Variants in HMCN2 observed in about 807,000 individuals in gnomAD.
HMCN2 encodes the protein hemicentin-2.
HMCN2 carries 325 observed loss-of-function variants against 377.5 expected under a neutral mutation model. That is an observed-to-expected ratio of 0.86 (90% CI 0.79 to 0.94). HMCN2 has a LOEUF of 0.94. Ranked by LOEUF, HMCN2 falls within the 40% of genes least tolerant of loss-of-function variation. HMCN2 has a pLI of 0.00. For synonymous variants in HMCN2, 2,007 were observed against 2,046.8 expected (o/e 0.98, Z 0.53); for missense variants, 4,543 against 4,725.3 (o/e 0.96, Z 1.13).
chr9:130,375,157 C>T (rs541023099), intron 49 of HMCN2, among the ~76,000 whole-genome samples: 10 of 152,296 alleles, frequency 6.6e-5, no homozygotes, highest in Admixed American at 2.6e-4. Context: ...GAGTCCCCTG[C>T]GGGAGTTGAA....
rs1235182815 is a variant in HMCN2 at position 130,427,571 on chromosome 9, A to G, written c.14017A>G (p.Thr4673Ala). 1.3e-6 allele frequency: 2 copies of G among 1,550,260 alleles called. No individual in the cohort carries two copies. The highest frequency in any genetic ancestry group is 1.7e-6 in the Non-Finnish European group (2 of 1,146,940). ...TAATGCACCCGGCCGCTTCTCCTGC[A>G]CCTGCCCCACTGGCTTCGCCCTGGC... ...CLNAPGRFSC[T>A]CPTGFALAWD... Residue 4673 changes from threonine (T) to alanine (A), a missense_variant, in exon 92 of 98, where the codon ACC (threonine) becomes GCC (alanine). Around this residue, in one of 5 missense-constraint regions of HMCN2, gnomAD observed 1,155 missense variants for 1,157.7 expected, o/e 1.00. Transcript: ENST00000683500.
chr9:130,293,341 C>G (rs1835919829), intron 4 of HMCN2, among the ~76,000 whole-genome samples: 1 of 114,702 alleles, frequency 8.7e-6, no homozygotes, highest in Admixed American at 1.2e-4. Context: ...GATAGTTGAA[C>G]CGCCGGGTTT....
chr9:130,343,179 C>A (rs1769346144), intron 25 of HMCN2, among the ~76,000 whole-genome samples: 1 of 152,196 alleles, frequency 6.6e-6, no homozygotes, highest in South Asian at 2.1e-4. Context: ...CCCAGAAGAT[C>A]CCTCCTCAGC....
intron 95 of HMCN2, 119 bp downstream of exon 95, chr9:130,430,723 G>A: frequency 1.0e-6 from 1 of 953,184 alleles, no homozygotes; most frequent in Non-Finnish European, 1.5e-6. Context: ...GGCAAGTGGG[G>A]TGAGTGGTGT....
chr9:130,320,114 A>G (rs1837768155), intron 16 of HMCN2, among the ~76,000 whole-genome samples: 1 of 152,176 alleles, frequency 6.6e-6, no homozygotes, highest in African/African-American at 2.4e-5. Flanking sequence ...CCATCACACT[A>G]CTACAAGGTA....
At chr9:130,416,858 T>C (rs1843723034) in intron 85 of HMCN2, among the ~76,000 whole-genome samples, 1 of 151,662 alleles carries the variant, frequency 6.6e-6, no homozygotes, top group African/African-American at 2.4e-5. Flanking sequence ...GTTAAGGATC[T>C]TAAAGTGAGC....
intron 15 of HMCN2, among the ~76,000 whole-genome samples, chr9:130,310,748 G>A (rs1002575873): frequency 4.6e-5 from 7 of 152,302 alleles, no homozygotes; most frequent in Admixed American, 1.3e-4. Flanking sequence ...GAGGCCCACC[G>A]CAGACAGTTT....
chr9:130,376,627 C>G lies in HMCN2; in HGVS notation c.8030C>G (p.Pro2677Arg). Residue 2677 changes from proline to arginine, a missense_variant, in exon 52 of 98, where the codon CCG (proline) becomes CGG (arginine). Physicochemically the swap from Pro to Arg is moderately radical, Grantham distance 103. Transcript: ENST00000683500. ...GAGTGTGAGAGCTGGGCTGTGCCCC[C>G]GCCCACCATCCGCTGGTACAAGGAT... ...TLECESWAVP[P>R]PTIRWYKDGQ... 1.0e-6 allele frequency: 1 copy of G among 985,856 alleles called. No homozygotes were observed. The highest frequency in any genetic ancestry group is 1.2e-6 in the Non-Finnish European group (1 of 829,972). The allele number at this position is 985,856 out of a possible 1,614,324, so 61.1% of individuals were successfully genotyped here.
chr9:130,287,551 TAAAAAAAA>T (rs142931668), intron 4 of HMCN2, among the ~76,000 whole-genome samples: 18,173 of 93,394 alleles, frequency 0.19, 1,686 homozygotes, highest in South Asian at 0.29. Context: ...AACTCTGTCT[TAAAAAAAA>T]AAAAAAAAAA....
At position 130,400,939 on chromosome 9, in the gene HMCN2, C is replaced by T; in HGVS notation, c.11762C>T (p.Ser3921Leu). 7.8e-7 allele frequency: 1 copy of T among 1,287,336 alleles called. No homozygotes were observed. The highest frequency in any genetic ancestry group is 1.2e-5 in the South Asian group (1 of 80,532). The allele number at this position is 1,287,336 out of a possible 1,614,324, so 79.7% of individuals were successfully genotyped here. ...GCTCGGGGGAGTGGCTATCGTGTCT[C>T]ACCATCGGGTAAGTAAGGGTAAGCC... Reference protein sequence around the residue: ...LGARGSGYRVSPSGALEIGQA... With the variant: ...LGARGSGYRVLPSGALEIGQA... The change falls in exon 77 of 98, where the codon TCA (serine) becomes TTA (leucine). Residue 3921 changes from serine to leucine, a missense_variant. By Grantham distance (145) the Ser-to-Leu change is moderately radical (BLOSUM62 -2). Around this residue, in one of 5 missense-constraint regions of HMCN2, gnomAD observed 1,073 missense variants for 1,319.5 expected, o/e 0.81. Transcript: ENST00000683500.
intron 21 of HMCN2, among the ~76,000 whole-genome samples, 167 bp downstream of exon 21, chr9:130,326,137 G>A (rs932370800): frequency 5.6e-4 from 86 of 152,230 alleles, no homozygotes; most frequent in African/African-American, 2.0e-3. Flanking sequence ...CCCTCTCCCC[G>A]CCTCTCTCTG....
intron 78 of HMCN2, 99 bp from the exon 79 acceptor site, chr9:130,403,095 C>T: frequency 1.7e-6 from 2 of 1,160,554 alleles, no homozygotes; most frequent in South Asian, 3.0e-5. Context: ...AACCCCCGTT[C>T]TCCTTAGAGG....
Position 130,374,689 on chromosome 9 carries a change from C to T in HMCN2, c.7626C>T (p.Val2542=), listed in dbSNP as rs1200979605. 1 of 985,704 alleles carries T rather than the reference C, an allele frequency of 1.0e-6. No individual in the cohort carries two copies. The highest frequency in any genetic ancestry group is 1.1e-4 in the East Asian group (1 of 8,830). The allele number at this position is 985,704 out of a possible 1,614,324, so 61.1% of individuals were successfully genotyped here. Residue 2542 remains valine, a synonymous_variant, in exon 49 of 98, where the codon GTC becomes GTT. Transcript: ENST00000683500. ...AGACCAAACACTTCCAGCTCAGTGT[C>T]CTGTGTAAGTTTTGGGCATCTCCTG... The part of the protein sequence containing the change: ...GEKTKHFQLS[V]LLAPTILGGA...
chr9:130,389,241 A>T (rs1564844056), intron 62 of HMCN2, among the ~76,000 whole-genome samples: 1 of 152,172 alleles, frequency 6.6e-6, no homozygotes, highest in Non-Finnish European at 1.5e-5. Context: ...TTGGGATATA[A>T]TTCACACACT....
At chr9:130,321,615 C>G (rs994806633) in intron 18 of HMCN2, among the ~76,000 whole-genome samples, 172 bp from the exon 19 acceptor site, 1 of 152,154 alleles carries the variant, frequency 6.6e-6, no homozygotes, top group Admixed American at 6.5e-5. Flanking sequence ...GAGGGCTTGA[C>G]TGGGCACTCG....
At chr9:130,391,639 G>A in intron 65 of HMCN2, 65 bp downstream of exon 65, 3 of 985,138 alleles carry the variant, frequency 3.0e-6, no homozygotes, top group Non-Finnish European at 2.4e-6. Context: ...AAGGCGACAT[G>A]TGAGCAAAGC....
At chr9:130,427,272 A>G (rs756380852) in intron 90 of HMCN2, 41 bp from the exon 91 acceptor site, 1 of 1,545,708 alleles carries the variant, frequency 6.5e-7, no homozygotes, top group South Asian at 1.2e-5. Context: ...TTGGGAGAGG[A>G]CACCCTCATG....
chr9:130,352,334 C>T (rs930498949), intron 30 of HMCN2, among the ~76,000 whole-genome samples: 4 of 152,320 alleles, frequency 2.6e-5, no homozygotes, highest in African/African-American at 7.2e-5. Flanking sequence ...GCGTGGACTC[C>T]GCAGAGGGCA....
At position 130,385,752 on chromosome 9, in the gene HMCN2, A is replaced by G. The variant is rs1306272572; in HGVS notation, c.9299A>G (p.Gln3100Arg). 3.1e-6 allele frequency: 4 copies of G among 1,303,788 alleles called. No homozygotes were observed. In the South Asian group the frequency reaches 3.7e-5, roughly 12 times the overall value. 80.8% of individuals were successfully genotyped at this position (1,303,788 alleles called of 1,614,324 possible). Residue 3100 changes from glutamine (Q) to arginine (R), a missense_variant, in exon 60 of 98, where the codon CAG (glutamine) becomes CGG (arginine). By Grantham distance (43) the Gln-to-Arg change is conservative. This residue lies in a region of HMCN2 where 736 missense variants were observed against 773.2 expected (regional missense o/e 0.95). Coordinates refer to ENST00000683500, the MANE Select transcript of HMCN2 (RefSeq NM_001291815.2). Reference sequence around the variant, plus strand: ...CGGGGTGGGCAGAGGCTGGAGATCCAGGAAGCCCAGGTGAGCAACCCTGGG... The same window carrying G: ...CGGGGTGGGCAGAGGCTGGAGATCCGGGAAGCCCAGGTGAGCAACCCTGGG... ...ALRGGQRLEI[Q>R]EAQVSDKGLY... is the part of the protein sequence containing the mutation.
Sources: gnomAD v4.1 joint callset for allele counts (sites outside exome capture counted in the v4.1 genomes callset) on GRCh38, gnomAD v4.1.1 for gene constraint, gnomAD v4.1.1 regional missense constraint, MANE v1.5 for transcripts, NCBI Gene and HGNC (gene_info 2026-07-23, HGNC 2026-07-21) for gene names.